PRKCI: variants seen among roughly 807,000 people sequenced by gnomAD.
The protein encoded by PRKCI is protein kinase C iota, also known as protein kinase C iota type.
Under a neutral mutation model 84.0 loss-of-function variants are expected in PRKCI, and 43 were observed. The observed-to-expected ratio is 0.51, with a 90% CI of 0.40 to 0.66. The LOEUF is 0.66. Ranked by LOEUF, PRKCI falls within the 30% of genes least tolerant of loss-of-function variation. The pLI is 0.00. For synonymous variants in PRKCI, 216 were observed against 234.4 expected (o/e 0.92, Z 0.72); for missense variants, 459 against 745.6 (o/e 0.62, Z 4.48).
At chr3:170,281,594 G>GA (rs1193588494) in intron 10 of PRKCI, 2 of 416,750 alleles carry the variant, frequency 4.8e-6, no homozygotes, top group African/African-American at 4.1e-5. Context: ...CTTGACAGTC[G>GA]AAAATGACTT....
chr3:170,256,195 T>C (rs935126817), intron 2 of PRKCI, among the ~76,000 whole-genome samples: 3 of 152,186 alleles, frequency 2.0e-5, no homozygotes. Flanking sequence ...TATTACTGGG[T>C]CTTAGAATGA....
chr3:170,281,166 G>C lies in PRKCI; in HGVS notation c.883G>C (p.Asp295His). 6.2e-7 allele frequency: 1 copy of C among 1,610,128 alleles called. No homozygotes were observed. The highest frequency in any genetic ancestry group is 8.5e-7 in the Non-Finnish European group (1 of 1,177,430). Residue 295 changes from aspartate to histidine, a missense_variant and splice_region_variant, in exon 10 of 18, where the codon GAT (aspartate) becomes CAT (histidine). By Grantham distance (81) the Asp-to-His change is moderately conservative. Coordinates refer to ENST00000295797, the MANE Select transcript of PRKCI (RefSeq NM_002740.6). ...VKKELVNDDE[D>H]IDWVQTEKHV... ...AGATTTCTTACATGTTTCAAAATAGGATATTGATTGGGTACAGACAGAGAA... is the reference window on the plus strand; with the variant it reads ...AGATTTCTTACATGTTTCAAAATAGCATATTGATTGGGTACAGACAGAGAA...
intron 2 of PRKCI, among the ~76,000 whole-genome samples, chr3:170,238,194 C>T: frequency 6.6e-6 from 1 of 152,158 alleles, no homozygotes. Context: ...GAAACCCCAT[C>T]TCTACTGAAA....
At chr3:170,267,675 C>CAAAAAA (rs1169448041) in intron 4 of PRKCI, among the ~76,000 whole-genome samples, 1 of 52,974 alleles carries the variant, frequency 1.9e-5, no homozygotes, top group Non-Finnish European at 4.2e-5. Context: ...TCCATCTCAC[C>CAAAAAA]AAAAAAAAAA....
At chr3:170,301,082 T>G (rs976821650) in intron 17 of PRKCI, among the ~76,000 whole-genome samples, 1 of 152,178 alleles carries the variant, frequency 6.6e-6, no homozygotes, top group African/African-American at 2.4e-5. Context: ...GCAAAAGGTG[T>G]TATGGTAAAT....
At position 170,260,066 on chromosome 3, in the gene PRKCI, A is replaced by G. The variant is rs778760781; in HGVS notation, c.313+8A>G. On this transcript the variant is annotated splice_region_variant and intron_variant, in intron 3 of 17. Coordinates refer to ENST00000295797, the MANE Select transcript of PRKCI (RefSeq NM_002740.6). ...CTGAACTCTTGATTCATGGTAAGAG[A>G]GTAGTCATTTCATACTCGTCCAGAC... 9 of 1,571,338 alleles carry G rather than the reference A, an allele frequency of 5.7e-6. No homozygotes were observed. Among genetic ancestry groups the G allele is most frequent in the Non-Finnish European group, 7.0e-6 (8 of 1,145,858 alleles).
Position 170,235,727 on chromosome 3 carries a change from G to A in PRKCI, c.223+376G>A, listed in dbSNP as rs544187648. On this transcript the variant is annotated intron_variant, in intron 2 of 17. Transcript: ENST00000295797. ...ACTACAAGTGTGCACCACCATGCCCGGCTAATTTTTGTATTTTTAGTAGAG... is the reference window on the plus strand; with the variant it reads ...ACTACAAGTGTGCACCACCATGCCCAGCTAATTTTTGTATTTTTAGTAGAG... Among the ~76,000 whole-genome samples the A allele has an allele frequency of 4.0e-5, 6 of 151,858 alleles. No homozygotes were observed. In the South Asian group the frequency reaches 6.2e-4, roughly 16 times the overall value.
At chr3:170,285,073 C>CTTT (rs778603433) in intron 12 of PRKCI, among the ~76,000 whole-genome samples, 137 of 147,976 alleles carry the variant, frequency 9.3e-4, no homozygotes, top group African/African-American at 3.2e-3. Context: ...AATATGTCTT[C>CTTT]ATTTCTTTTT....
chr3:170,295,204 C>G (rs972784280), intron 14 of PRKCI, among the ~76,000 whole-genome samples: 1 of 149,768 alleles, frequency 6.7e-6, no homozygotes, highest in African/African-American at 2.5e-5. Context: ...CAGTGACACT[C>G]TGTCTCAAAA....
At chr3:170,297,904 C>A (rs947943234) in intron 16 of PRKCI, among the ~76,000 whole-genome samples, 13 of 151,656 alleles carry the variant, frequency 8.6e-5, no homozygotes, top group Non-Finnish European at 1.3e-4. Context: ...GAGACGGAGT[C>A]TCATTCTGTC....
chr3:170,231,664 C>T (rs1732797690), intron 1 of PRKCI, among the ~76,000 whole-genome samples: 1 of 151,998 alleles, frequency 6.6e-6, no homozygotes, highest in Non-Finnish European at 1.5e-5. Flanking sequence ...GGGGATTCGC[C>T]ATGTTGGCCA....
At chr3:170,299,634 C>T (rs1464893285) in intron 17 of PRKCI, among the ~76,000 whole-genome samples, 2 of 152,220 alleles carry the variant, frequency 1.3e-5, no homozygotes, top group Non-Finnish European at 2.9e-5. Flanking sequence ...AGTGCATTAT[C>T]TTATTTTCAC....
intron 2 of PRKCI, among the ~76,000 whole-genome samples, chr3:170,241,377 C>T (rs147532751): frequency 5.6e-4 from 86 of 152,276 alleles, no homozygotes; most frequent in Middle Eastern, 3.4e-3. Context: ...GTACTCTCTA[C>T]GTGTATGAGT....
intron 12 of PRKCI, among the ~76,000 whole-genome samples, chr3:170,285,749 GT>G (rs528177041): frequency 0.046 from 6,592 of 142,162 alleles, 417 homozygotes; most frequent in African/African-American, 0.16. Context: ...AATTATTGTT[GT>G]TTTTTTTTTT....
chr3:170,243,680 G>C (rs575656504), intron 2 of PRKCI, among the ~76,000 whole-genome samples: 7 of 152,346 alleles, frequency 4.6e-5, no homozygotes, highest in African/African-American at 1.7e-4. Flanking sequence ...CAAGGAAGTT[G>C]AGGATCAGGA....
intron 1 of PRKCI, among the ~76,000 whole-genome samples, chr3:170,223,745 G>A (rs952282346): frequency 2.0e-5 from 3 of 152,054 alleles, no homozygotes; most frequent in Admixed American, 1.3e-4. Flanking sequence ...GCTTGTCCAG[G>A]TAGAAGTAAA....
intron 2 of PRKCI, among the ~76,000 whole-genome samples, chr3:170,253,513 C>T (rs1428253112): frequency 6.6e-6 from 1 of 152,132 alleles, no homozygotes; most frequent in African/African-American, 2.4e-5. Flanking sequence ...GTTCAGGAGC[C>T]GGGCACAGTG....
chr3:170,234,593 C>T (rs1732896379), intron 1 of PRKCI, among the ~76,000 whole-genome samples: 1 of 152,074 alleles, frequency 6.6e-6, no homozygotes, highest in Non-Finnish European at 1.5e-5. Context: ...ATAGAATTTT[C>T]TTCTTCTAAT....
chr3:170,279,725 A>G (rs1156835613), intron 8 of PRKCI, among the ~76,000 whole-genome samples: 2 of 152,186 alleles, frequency 1.3e-5, no homozygotes, highest in African/African-American at 4.8e-5. Context: ...TGCTCTCACT[A>G]GCTTACATTC....
Sources: allele counts gnomAD v4.1 joint callset (sites outside exome capture counted in the v4.1 genomes callset), GRCh38; gene constraint gnomAD v4.1.1; transcripts MANE v1.5; gene names NCBI Gene and HGNC (gene_info 2026-07-23, HGNC 2026-07-21).